The following CYP7B1 variants were observed in gnomAD, a reference collection of about 807,000 sequenced individuals.
CYP7B1 encodes cytochrome P450 7B1.
In CYP7B1, 29 loss-of-function variants were observed where a neutral mutation model predicts 42.7. The observed-to-expected ratio is 0.68, with a 90% CI of 0.51 to 0.93. The LOEUF is 0.93. Among genes scored for constraint, CYP7B1 ranks in the 40% least tolerant of loss-of-function variants. The probability of loss-of-function intolerance (pLI) is 0.00; values close to 1 mark genes in which losing one functional copy is unlikely to be tolerated. For synonymous variants in CYP7B1, 235 were observed against 218.2 expected (o/e 1.08, Z -0.68); for missense variants, 655 against 600.5 (o/e 1.09, Z -0.95).
chr8:64,623,448 T>A (rs1337512640), intron 2 of CYP7B1, among the ~76,000 whole-genome samples: 2 of 152,202 alleles, frequency 1.3e-5, no homozygotes, highest in African/African-American at 4.8e-5. Flanking sequence ...CCAGTTCCCA[T>A]CCAGAGTCCA....
chr8:64,735,914 G>A (rs1051655427), intron 1 of CYP7B1, among the ~76,000 whole-genome samples: 1 of 152,054 alleles, frequency 6.6e-6, no homozygotes, highest in African/African-American at 2.4e-5. Flanking sequence ...ACTAATATAA[G>A]TTGTAAAGCA....
chr8:64,779,199 A>C (rs1804377496), intron 1 of CYP7B1, among the ~76,000 whole-genome samples: 1 of 149,788 alleles, frequency 6.7e-6, no homozygotes, highest in South Asian at 2.1e-4. Context: ...GAAAAAACTT[A>C]AGAAGTTAAG....
At chr8:64,730,903 C>A (rs1371013499) in intron 1 of CYP7B1, among the ~76,000 whole-genome samples, 2 of 151,968 alleles carry the variant, frequency 1.3e-5, no homozygotes, top group Admixed American at 1.3e-4. Flanking sequence ...GGAAGCGGTC[C>A]CCTCATGCTG....
At chr8:64,622,041 AC>A (rs1251597071) in intron 2 of CYP7B1, among the ~76,000 whole-genome samples, 1 of 151,954 alleles carries the variant, frequency 6.6e-6, no homozygotes, top group Non-Finnish European at 1.5e-5. Context: ...TGAAACTGAT[AC>A]TGTCTGTCCA....
At chr8:64,661,078 C>A (rs761212804) in intron 1 of CYP7B1, among the ~76,000 whole-genome samples, 37 of 152,174 alleles carry the variant, frequency 2.4e-4, no homozygotes, top group Non-Finnish European at 4.3e-4. Flanking sequence ...ATATAACTTG[C>A]AGCTCTTCAA....
At chr8:64,743,878 T>G (rs1024526655) in intron 1 of CYP7B1, among the ~76,000 whole-genome samples, 1 of 152,180 alleles carries the variant, frequency 6.6e-6, no homozygotes, top group Non-Finnish European at 1.5e-5. Context: ...ATAAAGAAAT[T>G]TAACATCCCC....
intron 5 of CYP7B1, among the ~76,000 whole-genome samples, chr8:64,599,134 C>T (rs78877867): frequency 6.6e-6 from 1 of 152,148 alleles, no homozygotes; most frequent in African/African-American, 2.4e-5. Context: ...AAGATGTATC[C>T]ATTCATTTGG....
intron 1 of CYP7B1, among the ~76,000 whole-genome samples, chr8:64,789,623 A>G (rs932036126): frequency 4.6e-5 from 7 of 152,190 alleles, no homozygotes; most frequent in Non-Finnish European, 8.8e-5. Context: ...CATTATTTTC[A>G]TGGAAGGGGA....
chr8:64,624,264 TTTTC>T, intron 2 of CYP7B1, 135 bp downstream of exon 2: 3 of 817,286 alleles, frequency 3.7e-6, no homozygotes, highest in Non-Finnish European at 5.6e-6. Context: ...AAAATAATAG[TTTTC>T]TTTCACATTA....
chr8:64,603,752 T>G (rs1479078782), intron 5 of CYP7B1, among the ~76,000 whole-genome samples: 1 of 152,246 alleles, frequency 6.6e-6, no homozygotes, highest in Non-Finnish European at 1.5e-5. Context: ...CCTTTGCTGC[T>G]GAAATAAATG....
chr8:64,747,565 A>T (rs905480054), intron 1 of CYP7B1, among the ~76,000 whole-genome samples: 3 of 151,838 alleles, frequency 2.0e-5, no homozygotes, highest in African/African-American at 7.2e-5. Flanking sequence ...CATAAGGAGG[A>T]GGATGAGGAA....
At chr8:64,716,744 A>G (rs540723032) in intron 1 of CYP7B1, among the ~76,000 whole-genome samples, 3 of 152,286 alleles carry the variant, frequency 2.0e-5, no homozygotes, top group Admixed American at 1.3e-4. Flanking sequence ...TAATACTCCA[A>G]TTCTTTAAAA....
At chr8:64,661,070 A>C (rs1262557311) in intron 1 of CYP7B1, among the ~76,000 whole-genome samples, 1 of 152,234 alleles carries the variant, frequency 6.6e-6, no homozygotes, top group African/African-American at 2.4e-5. Flanking sequence ...GAAGATGTAT[A>C]TAACTTGCAG....
chr8:64,763,957 G>A (rs887001731), intron 1 of CYP7B1, among the ~76,000 whole-genome samples: 1 of 152,124 alleles, frequency 6.6e-6, no homozygotes, highest in Non-Finnish European at 1.5e-5. Context: ...GGTACTAATG[G>A]TTCAGACTTT....
chr8:64,619,031 T>C (rs971847920), intron 2 of CYP7B1, among the ~76,000 whole-genome samples: 3 of 152,182 alleles, frequency 2.0e-5, no homozygotes, highest in East Asian at 1.9e-4. Context: ...GGTTTGGAAG[T>C]ACTAATAACC....
intron 1 of CYP7B1, among the ~76,000 whole-genome samples, chr8:64,762,227 G>A (rs892961857): frequency 2.6e-5 from 4 of 152,040 alleles, no homozygotes; most frequent in African/African-American, 4.8e-5. Flanking sequence ...TATTTGTAAA[G>A]CTACATAAGT....
intron 1 of CYP7B1, among the ~76,000 whole-genome samples, chr8:64,738,168 T>C (rs1347604373): frequency 6.6e-6 from 1 of 152,236 alleles, no homozygotes; most frequent in African/African-American, 2.4e-5. Context: ...TTCTCATGTG[T>C]AATTGTAAAA....
chr8:64,717,698 C>T (rs1295915606), intron 1 of CYP7B1, among the ~76,000 whole-genome samples: 4 of 151,796 alleles, frequency 2.6e-5, no homozygotes, highest in Non-Finnish European at 4.4e-5. Context: ...ACAAAAAATA[C>T]AAAAATTAGC....
At position 64,594,990 on chromosome 8, in the gene CYP7B1, G is replaced by C. The variant is rs540996786; in HGVS notation, c.*1652C>G. Among the ~76,000 whole-genome samples the C allele has an allele frequency of 6.6e-6, 1 of 152,248 alleles. No homozygotes were observed. Among genetic ancestry groups the C allele is most frequent in the African/African-American group, 2.4e-5 (1 of 41,554 alleles). Reference sequence around the variant, plus strand: ...AACTAAGAACATCAAAGACAAAGAGGACACGTTAAAGTAGTCAGAGAGAAG... The same window carrying C: ...AACTAAGAACATCAAAGACAAAGAGCACACGTTAAAGTAGTCAGAGAGAAG... On this transcript the variant is annotated 3_prime_UTR_variant, in exon 6 of 6. Coordinates refer to ENST00000310193, the MANE Select transcript of CYP7B1 (RefSeq NM_004820.5).
Sources: gnomAD v4.1 joint callset for allele counts (sites outside exome capture counted in the v4.1 genomes callset) on GRCh38, gnomAD v4.1.1 for gene constraint, MANE v1.5 for transcripts, NCBI Gene and HGNC (gene_info 2026-07-23, HGNC 2026-07-21) for gene names.